NCKAP5: variants seen among roughly 807,000 people sequenced by gnomAD.
The protein encoded by NCKAP5 is nck-associated protein 5.
Under a neutral mutation model 167.0 loss-of-function variants are expected in NCKAP5, and 92 were observed. The observed-to-expected ratio is 0.55, with a 90% CI of 0.47 to 0.66. NCKAP5 has a LOEUF of 0.66. Among genes scored for constraint, NCKAP5 ranks in the 30% least tolerant of loss-of-function variants. The pLI is 0.00. For synonymous variants in NCKAP5, 891 were observed against 877.4 expected (o/e 1.02, Z -0.27); for missense variants, 2,378 against 2,315.0 (o/e 1.03, Z -0.56).
intron 2 of NCKAP5, among the ~76,000 whole-genome samples, chr2:133,540,463 TAAA>T (rs1686129794): frequency 6.6e-6 from 1 of 152,112 alleles, no homozygotes; most frequent in African/African-American, 2.4e-5. Flanking sequence ...GAGGGAAAAA[TAAA>T]AACTTTTTAG....
chr2:133,471,129 A>T (rs898388440), intron 3 of NCKAP5, among the ~76,000 whole-genome samples: 2 of 152,180 alleles, frequency 1.3e-5, no homozygotes, highest in African/African-American at 4.8e-5. Context: ...TTTGATCCTA[A>T]AAACAGTTCA....
the NCKAP5 span, among the ~76,000 whole-genome samples, chr2:133,630,677 G>A: frequency 1.3e-5 from 2 of 152,098 alleles, no homozygotes; most frequent in Non-Finnish European, 2.9e-5. Context: ...ATATGCCTGG[G>A]CTAGATTCCT....
At chr2:133,232,730 G>T (rs2087210171) in intron 4 of NCKAP5, among the ~76,000 whole-genome samples, 1 of 152,152 alleles carries the variant, frequency 6.6e-6, no homozygotes, top group African/African-American at 2.4e-5. Flanking sequence ...AGGCAAGCAA[G>T]AAAAACAAGA....
intron 6 of NCKAP5, among the ~76,000 whole-genome samples, chr2:133,102,186 A>T (rs2081536237): frequency 6.6e-6 from 1 of 151,896 alleles, no homozygotes; most frequent in Non-Finnish European, 1.5e-5. Context: ...TCCCTCTGTC[A>T]CCCAGGCTGG....
intron 3 of NCKAP5, among the ~76,000 whole-genome samples, chr2:133,389,710 C>A (rs77457411): frequency 0.029 from 4,423 of 152,318 alleles, 87 homozygotes; most frequent in Middle Eastern, 0.048. Flanking sequence ...GAAGTATAAT[C>A]TTGGCTTGTG....
chr2:133,574,128 G>C, the NCKAP5 span, among the ~76,000 whole-genome samples: 2 of 115,054 alleles, frequency 1.7e-5, no homozygotes, highest in Admixed American at 8.2e-5. Context: ...AAGAGGATAA[G>C]AAAAGGAAGA....
chr2:133,667,298 T>C, the NCKAP5 span, among the ~76,000 whole-genome samples: 9 of 152,088 alleles, frequency 5.9e-5, no homozygotes, highest in Middle Eastern at 3.4e-3. Flanking sequence ...TCCTGAGTCA[T>C]GGAAACTCTA....
intron 6 of NCKAP5, among the ~76,000 whole-genome samples, chr2:133,116,502 A>AG (rs2082089514): frequency 6.7e-6 from 1 of 150,048 alleles, no homozygotes; most frequent in African/African-American, 2.4e-5. Flanking sequence ...AAAAAAAAAA[A>AG]AAAAAAAAAA....
chr2:133,426,901 A>G (rs952881653), intron 3 of NCKAP5, among the ~76,000 whole-genome samples: 22 of 152,200 alleles, frequency 1.4e-4, no homozygotes, highest in African/African-American at 5.3e-4. Flanking sequence ...AATTTTTAAA[A>G]TAAGTAGATA....
intron 1 of NCKAP5, among the ~76,000 whole-genome samples, chr2:133,566,259 G>A (rs921818795): frequency 6.6e-6 from 1 of 152,090 alleles, no homozygotes; most frequent in Admixed American, 6.6e-5. Flanking sequence ...AAGAGGAAAA[G>A]CAAAGCAAGC....
At chr2:132,899,783 G>T (rs758225235) in intron 8 of NCKAP5, among the ~76,000 whole-genome samples, 1 of 152,210 alleles carries the variant, frequency 6.6e-6, no homozygotes, top group African/African-American at 2.4e-5. Flanking sequence ...CCTGAGGCAT[G>T]AGAATCGCTT....
intron 11 of NCKAP5, among the ~76,000 whole-genome samples, chr2:132,820,390 C>G (rs1686628194): frequency 6.6e-6 from 1 of 151,864 alleles, no homozygotes; most frequent in Non-Finnish European, 1.5e-5. Context: ...CCACCACGCC[C>G]AGCTAATTTT....
chr2:132,926,951 C>G (rs1360706820), intron 8 of NCKAP5, among the ~76,000 whole-genome samples: 1 of 152,008 alleles, frequency 6.6e-6, no homozygotes, highest in Non-Finnish European at 1.5e-5. Flanking sequence ...TTGAGTAGAC[C>G]AATGTTCAAA....
chr2:132,812,397 A>C (rs989506146), intron 11 of NCKAP5, among the ~76,000 whole-genome samples: 2 of 152,234 alleles, frequency 1.3e-5, no homozygotes, highest in Non-Finnish European at 2.9e-5. Flanking sequence ...GAGGGACAAG[A>C]GAGGCTAAGT....
chr2:132,857,318 G>A (rs1558864531), intron 11 of NCKAP5, among the ~76,000 whole-genome samples: 1 of 151,976 alleles, frequency 6.6e-6, no homozygotes, highest in Non-Finnish European at 1.5e-5. Context: ...TACAATTTCT[G>A]GTCTCCCACA....
At chr2:133,369,967 C>G (rs1166768101) in intron 3 of NCKAP5, among the ~76,000 whole-genome samples, 2 of 152,142 alleles carry the variant, frequency 1.3e-5, no homozygotes, top group Non-Finnish European at 1.5e-5. Context: ...AGCTGGGACC[C>G]CATTGCCTCT....
Position 132,782,806 on chromosome 2 carries a change from G to T in NCKAP5, c.4005C>A (p.Leu1335=). 6.2e-7 allele frequency: 1 copy of T among 1,613,968 alleles called. No homozygotes were observed. The highest frequency in any genetic ancestry group is 8.5e-7 in the Non-Finnish European group (1 of 1,179,856). ...KAPSAPMLES[L]PSVGRPSGHP... ...GCCCCGAGGGCCTCCCAACACTGGG[G>T]AGACTCTCCAACATGGGAGCAGAAG... is the stretch of plus-strand genomic sequence containing the variant. Residue 1335 remains leucine (L), a synonymous_variant, in exon 14 of 20, where the codon CTC becomes CTA. Transcript: ENST00000409261.
the NCKAP5 span, among the ~76,000 whole-genome samples, chr2:133,585,350 C>T: frequency 2.0e-5 from 3 of 152,338 alleles, no homozygotes; most frequent in South Asian, 6.2e-4. Context: ...GATCCATAGA[C>T]ACTAGCTGGA....
At chr2:133,474,483 G>T (rs1051526689) in intron 3 of NCKAP5, among the ~76,000 whole-genome samples, 5 of 152,168 alleles carry the variant, frequency 3.3e-5, no homozygotes, top group African/African-American at 1.2e-4. Context: ...GAGATCTATT[G>T]TGCAACATGG....
Sources: gnomAD v4.1 joint callset for allele counts (sites outside exome capture counted in the v4.1 genomes callset) on GRCh38, gnomAD v4.1.1 for gene constraint, MANE v1.5 for transcripts, NCBI Gene and HGNC (gene_info 2026-07-23, HGNC 2026-07-21) for gene names.